The following MMUT variants were observed in gnomAD, a reference collection of about 807,000 sequenced individuals.
MMUT encodes the protein methylmalonyl-CoA mutase, also known as methylmalonyl-CoA mutase, mitochondrial.
In MMUT, 79 loss-of-function variants were observed where a neutral mutation model predicts 79.9. That is an observed-to-expected ratio of 0.99 (90% CI 0.82 to 1.19). MMUT has a LOEUF of 1.19. MMUT is among the 50% of genes most tolerant of loss of function. The pLI is 0.00. For synonymous variants in MMUT, 273 were observed against 295.7 expected (o/e 0.92, Z 0.79); for missense variants, 860 against 917.2 (o/e 0.94, Z 0.81).
chr6:49,459,276 G>A lies in MMUT; in HGVS notation c.191C>T (p.Pro64Leu), dbSNP rs575038087. The A allele has an allele frequency of 2.2e-5, 35 of 1,614,136 alleles. No homozygotes were observed. Among genetic ancestry groups the A allele is most frequent in the African/African-American group, 4.0e-5 (3 of 75,030 alleles). ...KNPEDLIWHT[P>L]EGISIKPLYS... ...CAAGGGTTTTATAGAGATCCCTTCC[G>A]GGGTGTGCCATATTAGGTCTTCTGG... Residue 64 changes from proline (P) to leucine (L), a missense_variant, in exon 2 of 13, where the codon CCG (proline) becomes CTG (leucine). Pro to Leu is a moderately conservative substitution (Grantham distance 98). Transcript: ENST00000274813.
chr6:49,459,584 A>G, intron 1 of MMUT, 79 bp from the exon 2 acceptor site: 1 of 1,094,898 alleles, frequency 9.1e-7, no homozygotes, highest in Admixed American at 2.5e-5. Context: ...AGGAACAGAA[A>G]AGAAAGAGGA....
At chr6:49,440,535 G>T (rs1457785058) in intron 10 of MMUT, among the ~76,000 whole-genome samples, 182 bp from the exon 11 acceptor site, 1 of 151,826 alleles carries the variant, frequency 6.6e-6, no homozygotes, top group Non-Finnish European at 1.5e-5. Flanking sequence ...TAATGTGCAG[G>T]CTTGTTACAT....
intron 4 of MMUT, among the ~76,000 whole-genome samples, chr6:49,454,026 T>A (rs1240184201): frequency 6.6e-6 from 1 of 152,204 alleles, no homozygotes; most frequent in African/African-American, 2.4e-5. Flanking sequence ...TCCTATGCCC[T>A]TCATTAAATA....
rs1277777315 is a variant in MMUT at position 49,451,453 on chromosome 6, T to G, written c.1332+13A>C. 2 of 1,613,642 alleles carry G rather than the reference T, an allele frequency of 1.2e-6. No individual in the cohort carries two copies. Among genetic ancestry groups the G allele is most frequent in the South Asian group, 1.1e-5 (1 of 91,018 alleles). On this transcript the variant is annotated intron_variant, in intron 6 of 12. Coordinates refer to ENST00000274813, the MANE Select transcript of MMUT (RefSeq NM_000255.4). Reference sequence around the variant, plus strand: ...AAATTCTGAAAACAAAGTTGCAAAGTGGAAAAACTTACCTTTAAAGCAGCA... The same window carrying G: ...AAATTCTGAAAACAAAGTTGCAAAGGGGAAAAACTTACCTTTAAAGCAGCA...
chr6:49,433,610 C>A (rs182032313), intron 12 of MMUT, among the ~76,000 whole-genome samples: 1 of 152,246 alleles, frequency 6.6e-6, no homozygotes, highest in Non-Finnish European at 1.5e-5. Context: ...TTGGAGGCGA[C>A]TGCTGCTAAG....
Position 49,451,620 on chromosome 6 carries a change from G to A in MMUT, c.1178C>T (p.Ala393Val). The change falls in exon 6 of 13, where the codon GCT becomes GTT. Residue 393 changes from alanine to valine, a missense_variant. Transcript: ENST00000274813. ...QSLHTNSFDE[A>V]LGLPTVKSAR... is the part of the protein sequence containing the mutation. ...ACTTTTCACAGTTGGCAAACCCAAA[G>A]CTTCATCAAAAGAATTTGTGTGCAA... The A allele has an allele frequency of 6.2e-7, 1 of 1,614,124 alleles. No individual in the cohort carries two copies. Among genetic ancestry groups the A allele is most frequent in the Non-Finnish European group, 8.5e-7 (1 of 1,180,004 alleles).
chr6:49,454,093 G>GA (rs1767627819), intron 4 of MMUT, among the ~76,000 whole-genome samples: 1 of 152,080 alleles, frequency 6.6e-6, no homozygotes, highest in Admixed American at 6.5e-5. Flanking sequence ...TGTAAGACAG[G>GA]AGTCACCTAT....
At chr6:49,439,767 G>C (rs575221453) in intron 11 of MMUT, among the ~76,000 whole-genome samples, 3 of 152,110 alleles carry the variant, frequency 2.0e-5, no homozygotes, top group African/African-American at 7.2e-5. Context: ...GAGGGAGAAG[G>C]TCCCTGAATT....
chr6:49,439,531 C>T (rs1015376859), intron 11 of MMUT, among the ~76,000 whole-genome samples: 1 of 152,100 alleles, frequency 6.6e-6, no homozygotes, highest in Non-Finnish European at 1.5e-5. Flanking sequence ...ATTCTGGACC[C>T]CACTCAAAAC....
intron 4 of MMUT, 136 bp downstream of exon 4, chr6:49,455,944 C>A: frequency 1.3e-6 from 1 of 777,054 alleles, no homozygotes; most frequent in Admixed American, 3.0e-5. Flanking sequence ...CTTTTTCTCT[C>A]ATTATCACTC....
At chr6:49,436,733 A>G (rs1767141769) in intron 11 of MMUT, among the ~76,000 whole-genome samples, 1 of 152,164 alleles carries the variant, frequency 6.6e-6, no homozygotes, top group Non-Finnish European at 1.5e-5. Context: ...ATACACACAC[A>G]CTAAAGAATA....
chr6:49,453,846 A>C, intron 4 of MMUT, 90 bp from the exon 5 acceptor site: 1 of 1,119,004 alleles, frequency 8.9e-7, no homozygotes, highest in Non-Finnish European at 1.3e-6. Context: ...CTAGAAAATC[A>C]AGGTCTATAT....
At chr6:49,433,518 A>T (rs932465065) in intron 12 of MMUT, among the ~76,000 whole-genome samples, 1 of 152,178 alleles carries the variant, frequency 6.6e-6, no homozygotes, top group Non-Finnish European at 1.5e-5. Context: ...AATGTCCTCC[A>T]CTTAGCTGGG....
rs761684323 is a variant in MMUT at position 49,453,776 on chromosome 6, T to C, written c.912-20A>G. 3 of 1,599,006 alleles carry C rather than the reference T, an allele frequency of 1.9e-6. No individual in the cohort carries two copies. The highest frequency in any genetic ancestry group is 3.3e-5 in the Admixed American group (2 of 59,930). ...GACAACCTAAAATAGTAACGTTAGG[T>C]CCAGAATTTAATTAAAGTTAACAAT... On this transcript the variant is annotated intron_variant, in intron 4 of 12. Coordinates refer to ENST00000274813, the MANE Select transcript of MMUT (RefSeq NM_000255.4).
Position 49,440,271 on chromosome 6 carries a change from C to T in MMUT, c.1891G>A (p.Ala631Thr). Reference protein sequence around the residue: ...KMGQDGHDRGAKVIATGFADL... With the variant: ...KMGQDGHDRGTKVIATGFADL... ...GCAAATCCTGTAGCAATAACTTTTG[C>T]TCCTCTGTCATGGCCATCTTGTCCC... The change falls in exon 11 of 13, where the codon GCA becomes ACA. Residue 631 changes from alanine (A) to threonine (T), a missense_variant. Physicochemically the swap from Ala to Thr is moderately conservative, Grantham distance 58 (BLOSUM62 0). Transcript: ENST00000274813. 1 of 1,614,090 alleles carries T rather than the reference C, an allele frequency of 6.2e-7. No homozygotes were observed. Among genetic ancestry groups the T allele is most frequent in the South Asian group, 1.1e-5 (1 of 91,082 alleles).
chr6:49,443,120 G>C (rs904580432), intron 9 of MMUT, among the ~76,000 whole-genome samples: 1 of 151,790 alleles, frequency 6.6e-6, no homozygotes, highest in Non-Finnish European at 1.5e-5. Context: ...ATTTTCCATG[G>C]GTCACTTGCT....
chr6:49,434,199 T>C lies in MMUT; in HGVS notation c.2124+1257A>G, dbSNP rs141670836. Among the ~76,000 whole-genome samples the C allele has an allele frequency of 4.0e-3, 610 of 152,278 alleles. 1 individual carries two copies. Among genetic ancestry groups the C allele is most frequent in the Middle Eastern group, 6.8e-3 (2 of 294 alleles). On this transcript the variant is annotated intron_variant, in intron 12 of 12. Coordinates refer to ENST00000274813, the MANE Select transcript of MMUT (RefSeq NM_000255.4). ...TCTGTAGACAGACTGCAATAAAGAA[T>C]AACTACCCTTTATTTTCTCAAATAA... is the stretch of plus-strand genomic sequence containing the variant.
chr6:49,435,136 T>C (rs1047529158), intron 12 of MMUT, among the ~76,000 whole-genome samples: 3 of 152,232 alleles, frequency 2.0e-5, no homozygotes, highest in Non-Finnish European at 2.9e-5. Context: ...TTATGAGTTT[T>C]ATTACTTTTA....
At chr6:49,452,575 T>C (rs530171484) in intron 5 of MMUT, among the ~76,000 whole-genome samples, 2 of 152,134 alleles carry the variant, frequency 1.3e-5, no homozygotes, top group African/African-American at 4.8e-5. Flanking sequence ...CCTTGTGATC[T>C]GCCCGCCTTG....
Sources: gnomAD v4.1 joint callset for allele counts (sites outside exome capture counted in the v4.1 genomes callset) on GRCh38, gnomAD v4.1.1 for gene constraint, MANE v1.5 for transcripts, NCBI Gene and HGNC (gene_info 2026-07-23, HGNC 2026-07-21) for gene names.